Variants in LNPEP observed in about 807,000 individuals in gnomAD.
LNPEP encodes leucyl-cystinyl aminopeptidase.
LNPEP carries 64 observed loss-of-function variants against 120.6 expected under a neutral mutation model. The observed-to-expected ratio is 0.53, with a 90% CI of 0.43 to 0.65. LNPEP has a LOEUF of 0.65. Ranked by LOEUF, LNPEP falls within the 30% of genes least tolerant of loss-of-function variation. The pLI, the probability that LNPEP is intolerant of heterozygous loss-of-function variation, is 0.00. For synonymous variants in LNPEP, 435 were observed against 425.4 expected, an observed-to-expected ratio of 1.02 and a Z score of -0.28; for missense variants, 1,057 against 1,200.0, an observed-to-expected ratio of 0.88 and a Z score of 1.76.
chr5:96,956,293 T>G (rs1425409810), intron 1 of LNPEP, among the ~76,000 whole-genome samples: 2 of 152,072 alleles, frequency 1.3e-5, no homozygotes, highest in African/African-American at 4.8e-5. Flanking sequence ...GTTTCCAGAG[T>G]TTTTTTTATT....
chr5:96,940,790 C>T (rs1370136890), intron 1 of LNPEP, among the ~76,000 whole-genome samples: 2 of 152,110 alleles, frequency 1.3e-5, no homozygotes, highest in African/African-American at 4.8e-5. Flanking sequence ...TCTTGGCAGT[C>T]GAGGTGAGGT....
intron 2 of LNPEP, 68 bp downstream of exon 2, chr5:96,980,046 C>T: frequency 7.1e-7 from 1 of 1,414,344 alleles, no homozygotes; most frequent in Non-Finnish European, 9.6e-7. Context: ...ATCCCTTTGT[C>T]CACACCAGAG....
At chr5:96,944,067 T>C (rs1186561214) in intron 1 of LNPEP, among the ~76,000 whole-genome samples, 1 of 152,186 alleles carries the variant, frequency 6.6e-6, no homozygotes, top group Non-Finnish European at 1.5e-5. Flanking sequence ...CAGCAAGTGA[T>C]GAACAGTGCT....
At chr5:96,944,617 G>A (rs1789142735) in intron 1 of LNPEP, among the ~76,000 whole-genome samples, 1 of 117,494 alleles carries the variant, frequency 8.5e-6, no homozygotes, top group Admixed American at 1.2e-4. Flanking sequence ...CACCCAGACT[G>A]GAGTGCAGTG....
chr5:96,975,288 C>A (rs1312144950), intron 1 of LNPEP, among the ~76,000 whole-genome samples: 2 of 151,622 alleles, frequency 1.3e-5, no homozygotes. Context: ...TTCCTTGCCT[C>A]AAAAAAAATT....
rs3076561 is a variant in LNPEP, at chr5:96,971,345, T to TTGTGTGTGTGTGTG, written c.20-7767_20-7754dup. On this transcript the variant is annotated intron_variant, in intron 1 of 17. Coordinates refer to ENST00000231368, the MANE Select transcript of LNPEP (RefSeq NM_005575.3). ...CATGATGTGCTTAAGACATTATTATTTGTGTGTGTGTGTGTGTGTGTGTGT... is the reference window on the plus strand; with the variant it reads ...CATGATGTGCTTAAGACATTATTATTTGTGTGTGTGTGTGTGTGTGTGTGTGTGTGTGTGTGTGT... Among the ~76,000 whole-genome samples, 5 of 142,920 alleles carry TTGTGTGTGTGTGTG rather than the reference T, an allele frequency of 3.5e-5. No homozygotes were observed. The South Asian group carries it at 1.1e-3, about 32-fold the overall frequency. 93.8% of individuals were successfully genotyped at this position (142,920 alleles called of 152,430 possible).
rs1004176066 is a variant in LNPEP, at chr5:97,010,704, G to T, written c.2036-2944G>T. 3 of 985,114 alleles carry T rather than the reference G, an allele frequency of 3.0e-6. No individual in the cohort carries two copies. In the African/African-American group the frequency reaches 5.2e-5, roughly 17 times the overall value. 61.0% of individuals were successfully genotyped at this position (985,114 alleles called of 1,614,324 possible). ...GCTTCTGCCATTTAATATTGCAGTT[G>T]CTCACTCTTTTTTGCTACTCAATAG... On this transcript the variant is annotated intron_variant, in intron 11 of 17. Transcript: ENST00000231368.
At chr5:96,985,783 C>T (rs1790228956) in intron 3 of LNPEP, among the ~76,000 whole-genome samples, 1 of 149,826 alleles carries the variant, frequency 6.7e-6, no homozygotes, top group Non-Finnish European at 1.5e-5. Context: ...GTCTTAGACA[C>T]CTGAGGGACT....
At chr5:97,001,310 G>A (rs1321762298) in intron 8 of LNPEP, among the ~76,000 whole-genome samples, 4 of 152,186 alleles carry the variant, frequency 2.6e-5, no homozygotes, top group East Asian at 1.9e-4. Flanking sequence ...TATGAAATAC[G>A]AGAGAGGGGT....
At chr5:96,962,868 T>C (rs1388264841) in intron 1 of LNPEP, 1 of 151,630 alleles carries the variant, frequency 6.6e-6, no homozygotes, top group Non-Finnish European at 1.5e-5. Flanking sequence ...TTGTCAGTGG[T>C]GGTAGTGACG....
chr5:97,001,912 G>A (rs979370199), intron 8 of LNPEP, among the ~76,000 whole-genome samples: 12 of 152,114 alleles, frequency 7.9e-5, no homozygotes, highest in African/African-American at 2.9e-4. Flanking sequence ...GGCCAAGGTG[G>A]GTGGATCACC....
At chr5:96,973,154 G>A (rs977808989) in intron 1 of LNPEP, among the ~76,000 whole-genome samples, 3 of 152,096 alleles carry the variant, frequency 2.0e-5, no homozygotes, top group African/African-American at 7.2e-5. Context: ...AGATTCTGGT[G>A]AGATAAGATA....
chr5:96,973,617 G>A (rs1233944305), intron 1 of LNPEP, among the ~76,000 whole-genome samples: 1 of 152,112 alleles, frequency 6.6e-6, no homozygotes, highest in Non-Finnish European at 1.5e-5. Flanking sequence ...ATGATTTAAA[G>A]TATGTGGGAG....
intron 2 of LNPEP, among the ~76,000 whole-genome samples, chr5:96,982,662 T>C (rs1453129991): frequency 2.0e-5 from 3 of 151,982 alleles, no homozygotes; most frequent in Non-Finnish European, 2.9e-5. Context: ...TGGGGGTGGG[T>C]TGAAGAAATG....
chr5:96,986,188 G>A (rs1790239364), intron 3 of LNPEP, among the ~76,000 whole-genome samples: 1 of 152,158 alleles, frequency 6.6e-6, no homozygotes, highest in African/African-American at 2.4e-5. Flanking sequence ...TGTATTTGTA[G>A]CAGTAGAGTG....
At chr5:96,973,075 A>C (rs1017483790) in intron 1 of LNPEP, among the ~76,000 whole-genome samples, 3 of 152,150 alleles carry the variant, frequency 2.0e-5, no homozygotes, top group African/African-American at 7.2e-5. Flanking sequence ...TGTTACACAA[A>C]CAGGTGTCAG....
At chr5:96,999,060 A>G (rs1417844118) in intron 8 of LNPEP, among the ~76,000 whole-genome samples, 2 of 152,096 alleles carry the variant, frequency 1.3e-5, no homozygotes, top group African/African-American at 4.8e-5. Context: ...GGAAAAGAAG[A>G]GAAAGTTGAG....
At chr5:96,959,933 C>CTTTTTTTTTTTTTTTTTTTTTTTTTTTTT in intron 1 of LNPEP, among the ~76,000 whole-genome samples, 1 of 113,202 alleles carries the variant, frequency 8.8e-6, no homozygotes, top group Non-Finnish European at 1.8e-5. Flanking sequence ...TAAAATTTAT[C>CTTTTTTTTTTTTTTTTTTTTTTTTTTTTT]TTTTTTTTTT....
rs769722816 is a variant in LNPEP at position 97,003,559 on chromosome 5, G to C, written c.1785+13G>C. 8 of 1,560,846 alleles carry C rather than the reference G, an allele frequency of 5.1e-6. No individual in the cohort carries two copies. The East Asian group carries it at 1.8e-4, about 35-fold the overall frequency. ...TAGTTTTAATGAGGTAAGTGACCTG[G>C]GTAATTTATTTAGCTCTTACTGTAA... On this transcript the variant is annotated intron_variant, in intron 9 of 17. Coordinates refer to ENST00000231368, the MANE Select transcript of LNPEP (RefSeq NM_005575.3).
Sources: gnomAD v4.1 joint callset for allele counts (sites outside exome capture counted in the v4.1 genomes callset) on GRCh38, gnomAD v4.1.1 for gene constraint, MANE v1.5 for transcripts, NCBI Gene and HGNC (gene_info 2026-07-23, HGNC 2026-07-21) for gene names.